Variants in NOX4 observed in about 807,000 individuals in gnomAD.
NOX4 encodes NADPH oxidase 4.
NOX4 carries 69 observed loss-of-function variants against 87.6 expected under a neutral mutation model. That is an observed-to-expected ratio of 0.79 (90% CI 0.65 to 0.96). NOX4 has a LOEUF of 0.96. Ranked by LOEUF, NOX4 falls within the 40% of genes least tolerant of loss-of-function variation. The probability of loss-of-function intolerance (pLI) is 0.00; values close to 1 mark genes in which losing one functional copy is unlikely to be tolerated. For synonymous variants in NOX4, 275 were observed against 238.2 expected (o/e 1.15, Z -1.42); for missense variants, 680 against 681.5 (o/e 1.00, Z 0.02).
the NOX4 span, among the ~76,000 whole-genome samples, chr11:89,511,888 G>T: frequency 6.6e-6 from 1 of 151,974 alleles, no homozygotes; most frequent in Non-Finnish European, 1.5e-5. Context: ...CTTTTAAGAC[G>T]AGGACAATTT....
At chr11:89,426,244 G>T (rs1253298847) in intron 7 of NOX4, among the ~76,000 whole-genome samples, 1 of 151,974 alleles carries the variant, frequency 6.6e-6, no homozygotes, top group Non-Finnish European at 1.5e-5. Context: ...TTTTAACAAA[G>T]GTTCCAAAAT....
At chr11:89,544,274 A>G in the NOX4 span, among the ~76,000 whole-genome samples, 1 of 152,026 alleles carries the variant, frequency 6.6e-6, no homozygotes, top group Non-Finnish European at 1.5e-5. Flanking sequence ...AGTTTAGGTT[A>G]TATTTTCCTA....
intron 4 of NOX4, among the ~76,000 whole-genome samples, chr11:89,448,560 T>G (rs1471782535): frequency 2.0e-5 from 3 of 152,196 alleles, no homozygotes; most frequent in African/African-American, 4.8e-5. Context: ...GGAATCCTAA[T>G]CTACTAATGA....
intron 11 of NOX4, among the ~76,000 whole-genome samples, chr11:89,388,698 A>G (rs935965714): frequency 6.6e-6 from 1 of 152,162 alleles, no homozygotes; most frequent in Non-Finnish European, 1.5e-5. Context: ...TAAAAGGCAA[A>G]TAAGTCATCA....
At chr11:89,433,118 C>G (rs931352021) in intron 6 of NOX4, among the ~76,000 whole-genome samples, 2 of 152,154 alleles carry the variant, frequency 1.3e-5, no homozygotes, top group Admixed American at 6.6e-5. Context: ...GTGATCAGAT[C>G]AGAGTAATTA....
In NOX4 at chr11:89,374,796, G is replaced by C. The variant is rs564537496; in HGVS notation, c.1075-1304C>G. 1.6e-4 allele frequency among the ~76,000 whole-genome samples: 24 copies of C among 152,250 alleles called. No homozygotes were observed. The East Asian group carries it at 2.1e-3, about 13-fold the overall frequency. On this transcript the variant is annotated intron_variant, in intron 11 of 17. Coordinates refer to ENST00000263317, the MANE Select transcript of NOX4 (RefSeq NM_016931.5). Reference sequence around the variant, plus strand: ...ACAATATGAATTAAAAGGAAATAAGGGCTGAAGTTATGGCACAGGTGAAAG... The same window carrying C: ...ACAATATGAATTAAAAGGAAATAAGCGCTGAAGTTATGGCACAGGTGAAAG...
chr11:89,400,406 T>C (rs758884979), intron 9 of NOX4, 27 bp from the exon 10 acceptor site: 2 of 1,542,976 alleles, frequency 1.3e-6, no homozygotes, highest in Non-Finnish European at 1.8e-6. Flanking sequence ...AAAATATACT[T>C]CAAGAAATAC....
intron 11 of NOX4, among the ~76,000 whole-genome samples, chr11:89,374,263 T>C (rs1219305965): frequency 2.0e-5 from 3 of 152,188 alleles, no homozygotes; most frequent in African/African-American, 4.8e-5. Context: ...CTTTAATTAA[T>C]GGGAGGCTAA....
At chr11:89,385,874 C>T (rs1479620407) in intron 11 of NOX4, among the ~76,000 whole-genome samples, 2 of 152,148 alleles carry the variant, frequency 1.3e-5, no homozygotes, top group Non-Finnish European at 2.9e-5. Context: ...GTCATTTCTT[C>T]CCTTCCGTCA....
At chr11:89,532,653 T>C in the NOX4 span, among the ~76,000 whole-genome samples, 1 of 152,066 alleles carries the variant, frequency 6.6e-6, no homozygotes, top group Non-Finnish European at 1.5e-5. Context: ...GAAGACACAA[T>C]TGTGTTTTAA....
the NOX4 span, among the ~76,000 whole-genome samples, chr11:89,547,872 C>G: frequency 2.6e-5 from 4 of 152,012 alleles, no homozygotes; most frequent in African/African-American, 9.7e-5. Context: ...CCCAGTATTT[C>G]CCTAGAGCAC....
In NOX4 at chr11:89,394,460, A is replaced by T. The variant is rs1402244179; in HGVS notation, c.1074+5557T>A. On this transcript the variant is annotated intron_variant, in intron 11 of 17. Coordinates refer to ENST00000263317, the MANE Select transcript of NOX4 (RefSeq NM_016931.5). ...TGTTATGGTGAAGAAATGATTTTCA[A>T]AATAAAGTTGCCAACACAAGGGAAG... Among the ~76,000 whole-genome samples the T allele has an allele frequency of 6.6e-5, 10 of 152,214 alleles. No individual in the cohort carries two copies. In the East Asian group the frequency reaches 1.9e-3, roughly 29 times the overall value.
intron 2 of NOX4, among the ~76,000 whole-genome samples, chr11:89,471,995 G>T (rs1368079189): frequency 6.6e-6 from 1 of 152,112 alleles, no homozygotes; most frequent in African/African-American, 2.4e-5. Context: ...TCCCACCTTG[G>T]CCTCCCTAAG....
the NOX4 span, among the ~76,000 whole-genome samples, chr11:89,582,935 T>C: frequency 6.6e-6 from 1 of 152,164 alleles, no homozygotes; most frequent in Non-Finnish European, 1.5e-5. Context: ...GTTCCTCCTA[T>C]ACAGGAAGAT....
chr11:89,352,016 A>G (rs1946476827), intron 13 of NOX4, among the ~76,000 whole-genome samples: 1 of 152,228 alleles, frequency 6.6e-6, no homozygotes, highest in Admixed American at 6.5e-5. Context: ...ACAGAAAGTT[A>G]AATACTTCAT....
intron 2 of NOX4, among the ~76,000 whole-genome samples, chr11:89,461,768 G>T (rs2135417749): frequency 6.6e-6 from 1 of 152,104 alleles, no homozygotes; most frequent in East Asian, 1.9e-4. Flanking sequence ...TAAGTCACAG[G>T]TCTTAAAGTA....
At chr11:89,536,732 A>G in the NOX4 span, among the ~76,000 whole-genome samples, 1 of 151,960 alleles carries the variant, frequency 6.6e-6, no homozygotes, top group African/African-American at 2.4e-5. Context: ...GGCTATGGTT[A>G]TGGTTATGAT....
chr11:89,568,395 C>T, the NOX4 span, among the ~76,000 whole-genome samples: 1 of 152,056 alleles, frequency 6.6e-6, no homozygotes, highest in Non-Finnish European at 1.5e-5. Flanking sequence ...CAACAACATC[C>T]AAGCTGAGAG....
At chr11:89,394,492 T>C (rs1398937718) in intron 11 of NOX4, among the ~76,000 whole-genome samples, 1 of 151,658 alleles carries the variant, frequency 6.6e-6, no homozygotes, top group Non-Finnish European at 1.5e-5. Flanking sequence ...GAAGGTTAAT[T>C]TCTGAAGTAA....
Sources: gnomAD v4.1 joint callset for allele counts (sites outside exome capture counted in the v4.1 genomes callset) on GRCh38, gnomAD v4.1.1 for gene constraint, MANE v1.5 for transcripts, NCBI Gene and HGNC (gene_info 2026-07-23, HGNC 2026-07-21) for gene names.